The following UGT2A1 variants were observed in gnomAD, a reference collection of about 807,000 sequenced individuals.
UGT2A1 encodes the protein UDP-glucuronosyltransferase 2A1.
In UGT2A1, 61 loss-of-function variants were observed where a neutral mutation model predicts 45.4. That is an observed-to-expected ratio of 1.34 (90% CI 1.09 to 1.66). The LOEUF (loss-of-function observed/expected upper bound fraction) is 1.66. Among genes scored for constraint, UGT2A1 ranks in the 40% most tolerant of loss-of-function variants. UGT2A1 has a pLI of 0.00. For missense variants in UGT2A1, 649 were observed against 574.3 expected, an observed-to-expected ratio of 1.13 and a Z score of -1.33; for synonymous variants, 229 against 196.2, an observed-to-expected ratio of 1.17 and a Z score of -1.40.
chr4:69,608,990 C>T (rs913448869), intron 3 of UGT2A1, among the ~76,000 whole-genome samples: 1 of 152,008 alleles, frequency 6.6e-6, no homozygotes, highest in African/African-American at 2.4e-5. Context: ...TCCTCAGGAA[C>T]ATAAAGAAAA....
intron 3 of UGT2A1, among the ~76,000 whole-genome samples, chr4:69,634,267 AAACAAAACAAC>A (rs1189292305): frequency 3.4e-5 from 5 of 145,008 alleles, no homozygotes; most frequent in Non-Finnish European, 6.1e-5. Flanking sequence ...AAACAAAACA[AAACAAAACAAC>A]AACAACAACA....
intron 3 of UGT2A1, among the ~76,000 whole-genome samples, chr4:69,616,160 A>G (rs1720367395): frequency 6.6e-6 from 1 of 151,958 alleles, no homozygotes; most frequent in Non-Finnish European, 1.5e-5. Flanking sequence ...TGTGGAAGCT[A>G]AAAACAATAA....
At chr4:69,616,382 G>C (rs528589573) in intron 3 of UGT2A1, among the ~76,000 whole-genome samples, 132 of 152,018 alleles carry the variant, frequency 8.7e-4, no homozygotes, top group Non-Finnish European at 1.6e-3. Flanking sequence ...AGTGGAATTG[G>C]AATTTTCCTA....
intron 3 of UGT2A1, among the ~76,000 whole-genome samples, chr4:69,610,520 C>T (rs1453577741): frequency 6.6e-6 from 1 of 152,066 alleles, no homozygotes; most frequent in Non-Finnish European, 1.5e-5. Flanking sequence ...TAAACACAAA[C>T]TTTAAATAAT....
At position 69,639,345 on chromosome 4, in the gene UGT2A1, A is replaced by G. The variant is rs376566612; in HGVS notation, c.716-3523T>C. The stretch of plus-strand genomic sequence containing the variant: ...TCTATGGTCAATCCACAGCATTATC[A>G]TATGCTCAATTAAGGAATCTATATT... On this transcript the variant is annotated intron_variant, in intron 2 of 6. Coordinates refer to ENST00000286604, the MANE Select transcript of UGT2A1 (RefSeq NM_001252275.3). 5.0e-6 allele frequency: 8 copies of G among 1,613,740 alleles called. No homozygotes were observed. The East Asian group carries it at 6.7e-5, about 13-fold the overall frequency.
At chr4:69,641,809 G>A (rs984770496) in intron 2 of UGT2A1, among the ~76,000 whole-genome samples, 4 of 151,760 alleles carry the variant, frequency 2.6e-5, no homozygotes, top group Admixed American at 1.3e-4. Context: ...ATAGTTCTGG[G>A]TATGGTGTGA....
chr4:69,641,820 C>T (rs777409950), intron 2 of UGT2A1, among the ~76,000 whole-genome samples: 3 of 151,672 alleles, frequency 2.0e-5, no homozygotes, highest in Non-Finnish European at 2.9e-5. Flanking sequence ...TATGGTGTGA[C>T]ATAATGCAGG....
intron 1 of UGT2A1, among the ~76,000 whole-genome samples, chr4:69,651,485 T>C (rs1722522450): frequency 6.6e-6 from 1 of 152,184 alleles, no homozygotes; most frequent in African/African-American, 2.4e-5. Context: ...ACTAACGTAT[T>C]TCAGAAGAAG....
At chr4:69,613,145 C>A (rs780920917) in intron 3 of UGT2A1, among the ~76,000 whole-genome samples, 7 of 151,862 alleles carry the variant, frequency 4.6e-5, no homozygotes, top group Non-Finnish European at 1.0e-4. Flanking sequence ...TATCACTAAT[C>A]ATCAGAGAAA....
At chr4:69,630,010 A>G (rs1263125903) in intron 3 of UGT2A1, among the ~76,000 whole-genome samples, 1 of 152,124 alleles carries the variant, frequency 6.6e-6, no homozygotes. Context: ...ATTCCAAAAT[A>G]CCACATGAAA....
chr4:69,639,208 T>G (rs779231699), intron 2 of UGT2A1: 11 of 1,613,736 alleles, frequency 6.8e-6, no homozygotes, highest in Non-Finnish European at 9.3e-6. Flanking sequence ...AGTCTTGCCA[T>G]CAACTTTGGG....
At chr4:69,610,266 A>T (rs1276968607) in intron 3 of UGT2A1, among the ~76,000 whole-genome samples, 1 of 152,122 alleles carries the variant, frequency 6.6e-6, no homozygotes, top group African/African-American at 2.4e-5. Flanking sequence ...GTTGCATTGA[A>T]TTCATTGTCC....
chr4:69,651,562 A>G (rs1388349842), intron 1 of UGT2A1, among the ~76,000 whole-genome samples: 2 of 152,210 alleles, frequency 1.3e-5, no homozygotes. Flanking sequence ...TAATTGTGTT[A>G]CAGGTAATTA....
At chr4:69,643,162 T>A (rs942193284) in intron 2 of UGT2A1, among the ~76,000 whole-genome samples, 2 of 151,502 alleles carry the variant, frequency 1.3e-5, no homozygotes, top group Non-Finnish European at 3.0e-5. Flanking sequence ...CCTTAATGGA[T>A]AGTAAATTAT....
rs185117130 is a variant in UGT2A1, at chr4:69,635,488, G to C, written c.847+203C>G. 1.7e-3 allele frequency among the ~76,000 whole-genome samples: 262 copies of C among 152,256 alleles called. 1 individual carries two copies. The highest frequency in any genetic ancestry group is 6.8e-3 in the Middle Eastern group (2 of 292). On this transcript the variant is annotated intron_variant, in intron 3 of 6. Transcript: ENST00000286604. ...AGGCTAGTCTCAAATTCTACAGTGA[G>C]AACTATCTATTTGCTGTACAGCAGA...
chr4:69,595,505 G>A (rs1449650493), intron 4 of UGT2A1, among the ~76,000 whole-genome samples: 3 of 152,140 alleles, frequency 2.0e-5, no homozygotes, highest in Non-Finnish European at 2.9e-5. Flanking sequence ...TAGATTTTAA[G>A]TGAAGAAATA....
intron 6 of UGT2A1, among the ~76,000 whole-genome samples, chr4:69,590,126 T>G (rs1024887520): frequency 1.3e-5 from 2 of 152,218 alleles, no homozygotes; most frequent in Admixed American, 1.3e-4. Flanking sequence ...ATGTAGGCAT[T>G]GTGATAATTA....
In UGT2A1 at chr4:69,647,366, T is replaced by C; in HGVS notation, c.279A>G (p.Thr93=). The change falls in exon 2 of 7, where the codon ACA becomes ACG. Residue 93 remains threonine, a synonymous_variant. Transcript: ENST00000286604. ...AAGGAGATGGTCTATTTTCCAGCCA[T>C]GTCAAAACGAAGTCCTTAATTACTC... ...IEGVIKDFVL[T]WLENRPSPST... The C allele has an allele frequency of 6.2e-7, 1 of 1,613,294 alleles. No individual in the cohort carries two copies. The highest frequency in any genetic ancestry group is 8.5e-7 in the Non-Finnish European group (1 of 1,179,514).
chr4:69,634,225 A>G (rs1309171809), intron 3 of UGT2A1, among the ~76,000 whole-genome samples: 1 of 151,778 alleles, frequency 6.6e-6, no homozygotes, highest in African/African-American at 2.4e-5. Context: ...AGCCTGAGCG[A>G]CAGAGCGAGA....
Sources: gnomAD v4.1 joint callset for allele counts (sites outside exome capture counted in the v4.1 genomes callset) on GRCh38, gnomAD v4.1.1 for gene constraint, MANE v1.5 for transcripts, NCBI Gene and HGNC (gene_info 2026-07-23, HGNC 2026-07-21) for gene names.